MBD5: variants seen among roughly 807,000 people sequenced by gnomAD.
MBD5 encodes methyl-CpG binding domain protein 5.
MBD5 carries 13 observed loss-of-function variants against 117.3 expected under a neutral mutation model. The ratio of observed to expected loss-of-function variants is 0.11; its 90% CI spans 0.07 to 0.18. The LOEUF is 0.18. Ranked by LOEUF, MBD5 falls within the 10% of genes least tolerant of loss-of-function variation. The pLI, the probability that MBD5 is intolerant of heterozygous loss-of-function variation, is 1.00. For missense variants in MBD5, 1,879 were observed against 2,093.8 expected, an observed-to-expected ratio of 0.90 and a Z score of 2.00; for synonymous variants, 727 against 766.4, an observed-to-expected ratio of 0.95 and a Z score of 0.85.
At chr2:148,149,828 T>C (rs940111664) in intron 1 of MBD5, among the ~76,000 whole-genome samples, 1 of 151,520 alleles carries the variant, frequency 6.6e-6, no homozygotes, top group Non-Finnish European at 1.5e-5. Flanking sequence ...TCATTGTAGA[T>C]CCTGGATATT....
At chr2:148,089,315 A>G (rs1287477786) in intron 1 of MBD5, among the ~76,000 whole-genome samples, 1 of 152,038 alleles carries the variant, frequency 6.6e-6, no homozygotes, top group African/African-American at 2.4e-5. Context: ...AATGTCAACA[A>G]AGAAACAAAT....
chr2:148,154,929 T>C (rs1398289982), intron 1 of MBD5, among the ~76,000 whole-genome samples: 2 of 152,184 alleles, frequency 1.3e-5, no homozygotes, highest in Non-Finnish European at 2.9e-5. Flanking sequence ...ACAGGAGCTA[T>C]TCCTATTCGG....
At chr2:148,502,326 G>C in intron 11 of MBD5, 110 bp from the exon 12 acceptor site, 1 of 922,318 alleles carries the variant, frequency 1.1e-6, no homozygotes, top group Non-Finnish European at 1.8e-6. Context: ...TGAAGGTTAA[G>C]GCTCCCCTCC....
At chr2:148,216,959 A>G (rs910423099) in intron 2 of MBD5, among the ~76,000 whole-genome samples, 9 of 152,234 alleles carry the variant, frequency 5.9e-5, no homozygotes, top group African/African-American at 2.2e-4. Flanking sequence ...GGCATCTGAC[A>G]AAAGTTGCTT....
intron 4 of MBD5, among the ~76,000 whole-genome samples, chr2:148,417,933 G>A (rs1705474741): frequency 1.3e-5 from 2 of 151,792 alleles, no homozygotes; most frequent in African/African-American, 4.8e-5. Flanking sequence ...TCCGCCTCCT[G>A]GGCTCAAGCG....
intron 1 of MBD5, among the ~76,000 whole-genome samples, chr2:148,115,656 G>A (rs1200002542): frequency 1.3e-5 from 2 of 151,848 alleles, no homozygotes; most frequent in Non-Finnish European, 2.9e-5. Flanking sequence ...TATTTTGTGA[G>A]CTATACATAT....
chr2:148,398,566 G>A (rs562478783), intron 4 of MBD5, among the ~76,000 whole-genome samples: 1 of 138,582 alleles, frequency 7.2e-6, no homozygotes, highest in South Asian at 2.1e-4. Flanking sequence ...TTTGTCAGAT[G>A]AGTAGATTGC....
intron 3 of MBD5, among the ~76,000 whole-genome samples, chr2:148,245,908 G>A (rs1364985222): frequency 6.6e-6 from 1 of 152,124 alleles, no homozygotes; most frequent in African/African-American, 2.4e-5. Flanking sequence ...GAGAATTTGG[G>A]CAAGTTTACT....
At chr2:148,341,456 A>G (rs1702945301) in intron 3 of MBD5, among the ~76,000 whole-genome samples, 2 of 152,052 alleles carry the variant, frequency 1.3e-5, no homozygotes, top group African/African-American at 2.4e-5. Flanking sequence ...ACTAACACCT[A>G]TATCATGAGA....
chr2:148,322,280 T>C (rs1421649251), intron 3 of MBD5, among the ~76,000 whole-genome samples: 1 of 152,228 alleles, frequency 6.6e-6, no homozygotes, highest in African/African-American at 2.4e-5. Context: ...ATTTATAACG[T>C]TCAAGTCTAA....
intron 3 of MBD5, among the ~76,000 whole-genome samples, chr2:148,331,325 A>G (rs943046695): frequency 6.6e-6 from 1 of 152,090 alleles, no homozygotes; most frequent in Non-Finnish European, 1.5e-5. Flanking sequence ...CCCCTGCTCT[A>G]AGCTTCCTAC....
chr2:148,099,782 T>C (rs932608350), intron 1 of MBD5, among the ~76,000 whole-genome samples: 1 of 152,236 alleles, frequency 6.6e-6, no homozygotes, highest in Non-Finnish European at 1.5e-5. Context: ...AGTTCTAACC[T>C]ACTGAATTTC....
chr2:148,462,399 A>G (rs1271153780), intron 5 of MBD5, among the ~76,000 whole-genome samples, 183 bp from the exon 6 acceptor site: 4 of 152,324 alleles, frequency 2.6e-5, no homozygotes, highest in East Asian at 3.9e-4. Flanking sequence ...TTTTGGTTCA[A>G]AAGAAAACAC....
chr2:148,294,507 T>TTTTTTTTGTTGTTTTTTTTGTTTG (rs1218239671), intron 3 of MBD5, among the ~76,000 whole-genome samples: 1 of 124,216 alleles, frequency 8.1e-6, no homozygotes, highest in African/African-American at 3.3e-5. Flanking sequence ...TACAGTTTTT[T>TTTTTTTTGTTGTTTTTTTTGTTTG]TTTTTTTTTT....
At chr2:148,389,062 G>A (rs1704468150) in intron 4 of MBD5, among the ~76,000 whole-genome samples, 3 of 150,516 alleles carry the variant, frequency 2.0e-5, no homozygotes, top group Admixed American at 6.6e-5. Flanking sequence ...ACATTTAAGT[G>A]TGAACATGCA....
chr2:148,337,733 C>G (rs1409128622), intron 3 of MBD5, among the ~76,000 whole-genome samples: 4 of 152,142 alleles, frequency 2.6e-5, no homozygotes, highest in African/African-American at 9.7e-5. Flanking sequence ...CTTCTTCACT[C>G]TTGCTAATGT....
At chr2:148,124,800 T>C (rs1696851983) in intron 1 of MBD5, among the ~76,000 whole-genome samples, 1 of 152,040 alleles carries the variant, frequency 6.6e-6, no homozygotes, top group Non-Finnish European at 1.5e-5. Flanking sequence ...AATTGATGTA[T>C]CTATTTAATT....
At chr2:148,060,451 C>T (rs1041495861) in intron 1 of MBD5, among the ~76,000 whole-genome samples, 1 of 151,890 alleles carries the variant, frequency 6.6e-6, no homozygotes, top group Admixed American at 6.5e-5. Flanking sequence ...TTCCTTACCA[C>T]AATAGTGAAG....
intron 3 of MBD5, among the ~76,000 whole-genome samples, chr2:148,274,174 A>G (rs975191991): frequency 6.6e-6 from 1 of 152,158 alleles, no homozygotes; most frequent in Non-Finnish European, 1.5e-5. Context: ...GACATTTAAC[A>G]TAATTTTACT....
Sources: allele counts gnomAD v4.1 joint callset (sites outside exome capture counted in the v4.1 genomes callset), GRCh38; gene constraint gnomAD v4.1.1; transcripts MANE v1.5; gene names NCBI Gene and HGNC (gene_info 2026-07-23, HGNC 2026-07-21).